Variants in RPLP2 observed in about 807,000 individuals in gnomAD.
The protein encoded by RPLP2 is ribosomal protein lateral stalk subunit P2.
Under a neutral mutation model 11.5 loss-of-function variants are expected in RPLP2, and 1 was observed. The observed-to-expected ratio is 0.09, with a 90% CI of 0.03 to 0.41. RPLP2 has a LOEUF of 0.41. RPLP2 is among the 10% of genes least tolerant of loss of function. RPLP2 has a pLI of 0.98. For synonymous variants in RPLP2, 82 were observed against 55.9 expected (o/e 1.47, Z -2.08); for missense variants, 177 against 145.6 (o/e 1.22, Z -1.11).
chr11:812,144 A>G (rs190551425), intron 3 of RPLP2: 6 of 380,012 alleles, frequency 1.6e-5, no homozygotes, highest in Admixed American at 3.9e-5. Flanking sequence ...GCATGTGACC[A>G]CGACAGGGCC....
intron 2 of RPLP2, 24 bp from the exon 3 acceptor site, chr11:811,573 C>T (rs1360021789): frequency 1.9e-6 from 3 of 1,613,978 alleles, no homozygotes; most frequent in Non-Finnish European, 2.5e-6. Context: ...TTCCTGGTAA[C>T]AGCCCTGTGA....
At chr11:812,130 C>G (rs1447610808) in intron 3 of RPLP2, 5 of 378,824 alleles carry the variant, frequency 1.3e-5, no homozygotes, top group Non-Finnish European at 2.5e-5. Flanking sequence ...TTCTTGTCTT[C>G]CATGCATGTG....
Position 810,273 on chromosome 11 carries a change from G to A in RPLP2, c.39G>A (p.Gly13=), listed in dbSNP as rs755467714. ...YVASYLLAAL[G]GNSSPSAKDI... ...CCTCCTACCTGCTGGCTGCCCTAGG[G>A]GGCAACTCCTCCCCCAGCGCCAAGG... The change falls in exon 2 of 5, where the codon GGG becomes GGA. Residue 13 remains glycine, a synonymous_variant. Coordinates refer to ENST00000321153, the MANE Select transcript of RPLP2 (RefSeq NM_001004.4). 2 of 1,606,872 alleles carry A rather than the reference G, an allele frequency of 1.2e-6. No individual in the cohort carries two copies. Among genetic ancestry groups the A allele is most frequent in the South Asian group, 1.1e-5 (1 of 90,122 alleles).
chr11:811,907 A>G (rs1015535712), intron 3 of RPLP2: 1 of 696,638 alleles, frequency 1.4e-6, no homozygotes, highest in African/African-American at 1.7e-5. Flanking sequence ...CCCTGAGGCC[A>G]TTCCCCAGGA....
chr11:812,116 G>C (rs1350321249), intron 3 of RPLP2: 10 of 377,580 alleles, frequency 2.6e-5, no homozygotes, highest in Non-Finnish European at 4.6e-5. Flanking sequence ...TGTTGGGGCA[G>C]CTGTTCTTGT....
At chr11:811,560 A>G (rs763487829) in intron 2 of RPLP2, 37 bp from the exon 3 acceptor site, 2 of 1,613,916 alleles carry the variant, frequency 1.2e-6, no homozygotes, top group Non-Finnish European at 1.7e-6. Context: ...ATACAATCGT[A>G]CATTCCTGGT....
In RPLP2 at chr11:812,779, G is replaced by A; in HGVS notation, c.291G>A (p.Glu97=). 8 of 1,613,762 alleles carry A rather than the reference G, an allele frequency of 5.0e-6. No individual in the cohort carries two copies. Among genetic ancestry groups the A allele is most frequent in the Non-Finnish European group, 5.9e-6 (7 of 1,179,888 alleles). ...CCACAGCAGAGGAGAAGAAAGATGAGAAGAAGGAGGAGTCTGAAGAGTCAG... is the reference window on the plus strand; with the variant it reads ...CCACAGCAGAGGAGAAGAAAGATGAAAAGAAGGAGGAGTCTGAAGAGTCAG... ...APAAAEEKKD[E]KKEESEESDD... is the part of the protein sequence containing the mutation. The change falls in exon 5 of 5, where the codon GAG becomes GAA. Residue 97 remains glutamate, a synonymous_variant. Coordinates refer to ENST00000321153, the MANE Select transcript of RPLP2 (RefSeq NM_001004.4).
chr11:810,114 TA>T (rs1318498499), intron 1 of RPLP2, 75 bp downstream of exon 1: 7 of 1,199,760 alleles, frequency 5.8e-6, no homozygotes, highest in Non-Finnish European at 1.1e-6. Flanking sequence ...GGCGGCGGGG[TA>T]TTTTTGGGAC....
rs1309833302 is a variant in RPLP2, at chr11:811,644, G to A, written c.171G>A (p.Gln57=). The A allele has an allele frequency of 1.2e-6, 2 of 1,614,258 alleles. No homozygotes were observed. The highest frequency in any genetic ancestry group is 2.2e-5 in the South Asian group (2 of 91,090). Residue 57 remains glutamine (Q), a splice_region_variant and synonymous_variant, in exon 3 of 5, where the codon CAG becomes CAA. Transcript: ENST00000321153. ...NGKNIEDVIA[Q]GIGKLASVPA... Reference sequence around the variant, plus strand: ...AAAACATTGAAGACGTCATTGCCCAGGGTGAGTTGATGTGGACGGGCTTTC... The same window carrying A: ...AAAACATTGAAGACGTCATTGCCCAAGGTGAGTTGATGTGGACGGGCTTTC...
At position 812,772 on chromosome 11, in the gene RPLP2, A is replaced by G; in HGVS notation, c.284A>G (p.Lys95Arg). 6.2e-7 allele frequency: 1 copy of G among 1,613,930 alleles called. No individual in the cohort carries two copies. Among genetic ancestry groups the G allele is most frequent in the Non-Finnish European group, 8.5e-7 (1 of 1,179,970 alleles). ...CTCTGTTCCACAGCAGAGGAGAAGA[A>G]AGATGAGAAGAAGGAGGAGTCTGAA... ...GSAPAAAEEKKDEKKEESEES... is the reference protein window; with the variant it reads ...GSAPAAAEEKRDEKKEESEES... Residue 95 changes from lysine to arginine, a missense_variant, in exon 5 of 5, where the codon AAA becomes AGA. Transcript: ENST00000321153.
intron 3 of RPLP2, chr11:812,264 C>T (rs1413965275): frequency 7.6e-6 from 4 of 523,966 alleles, no homozygotes; most frequent in African/African-American, 3.8e-5. Context: ...TCCAGTGGAC[C>T]TCTGAGGGTG....
Position 812,638 on chromosome 11 carries a change from G to T in RPLP2, c.271+5G>T. On this transcript the variant is annotated splice_donor_5th_base_variant and intron_variant, in intron 4 of 4. Coordinates refer to ENST00000321153, the MANE Select transcript of RPLP2 (RefSeq NM_001004.4). ...CTGGTTCTGCCCCTGCTGCAGGTAA[G>T]TGGTGGCCTGGTGAGTGGGCAAGGG... 2 of 1,610,708 alleles carry T rather than the reference G, an allele frequency of 1.2e-6. No homozygotes were observed. Among genetic ancestry groups the T allele is most frequent in the Non-Finnish European group, 1.7e-6 (2 of 1,179,928 alleles).
chr11:810,099 G>A, intron 1 of RPLP2, 60 bp downstream of exon 1: 1 of 1,090,572 alleles, frequency 9.2e-7, no homozygotes, highest in South Asian at 2.3e-5. Context: ...TGGGGATGCG[G>A]GGTGGGCGGC....
chr11:812,511 G>C (rs1866093499), intron 3 of RPLP2, 24 bp from the exon 4 acceptor site: 6 of 1,607,808 alleles, frequency 3.7e-6, no homozygotes, highest in Non-Finnish European at 4.2e-6. Flanking sequence ...AGCTGCTCTG[G>C]TCTCACCTCT....
intron 1 of RPLP2, 45 bp from the exon 2 acceptor site, chr11:810,189 G>T (rs1400315537): frequency 6.9e-7 from 1 of 1,451,246 alleles, no homozygotes; most frequent in Non-Finnish European, 9.1e-7. Flanking sequence ...CCGGCAGGAG[G>T]CCGCCGGGGT....
At chr11:811,202 C>T (rs1387521683) in intron 2 of RPLP2, among the ~76,000 whole-genome samples, 2 of 152,050 alleles carry the variant, frequency 1.3e-5, no homozygotes, top group Non-Finnish European at 2.9e-5. Flanking sequence ...GGCTTGGTTG[C>T]TCATGCCTGT....
intron 2 of RPLP2, chr11:811,338 A>G: frequency 1.8e-6 from 1 of 545,636 alleles, no homozygotes; most frequent in Non-Finnish European, 3.3e-6. Context: ...CCAGTGTTGA[A>G]GATACCTATG....
intron 3 of RPLP2, chr11:812,292 CA>C: frequency 1.8e-6 from 1 of 558,146 alleles, no homozygotes. Flanking sequence ...GGAAATTGGG[CA>C]GGCAGGCAGT....
intron 2 of RPLP2, among the ~76,000 whole-genome samples, chr11:810,716 C>T (rs1283229008): frequency 6.6e-6 from 1 of 151,494 alleles, no homozygotes; most frequent in Non-Finnish European, 1.5e-5. Flanking sequence ...TCGCTCGAAC[C>T]CGGGAGATGG....
Sources: gnomAD v4.1 joint callset for allele counts (sites outside exome capture counted in the v4.1 genomes callset) on GRCh38, gnomAD v4.1.1 for gene constraint, MANE v1.5 for transcripts, NCBI Gene and HGNC (gene_info 2026-07-23, HGNC 2026-07-21) for gene names.